Variants in PCLO observed in about 807,000 individuals in gnomAD.
PCLO encodes protein piccolo.
PCLO carries 82 observed loss-of-function variants against 427.5 expected under a neutral mutation model. That is an observed-to-expected ratio of 0.19 (90% CI 0.16 to 0.23). The LOEUF (loss-of-function observed/expected upper bound fraction) is 0.23. PCLO is among the 10% of genes least tolerant of loss of function. The pLI is 1.00. For synonymous variants in PCLO, 2,357 were observed against 2,155.4 expected (o/e 1.09, Z -2.59); for missense variants, 6,239 against 6,115.9 (o/e 1.02, Z -0.67).
intron 3 of PCLO, among the ~76,000 whole-genome samples, chr7:83,003,243 A>G (rs115640905): frequency 0.021 from 3,212 of 151,556 alleles, 120 homozygotes; most frequent in African/African-American, 0.073. Context: ...GCATACGTTT[A>G]TATGTAATAT....
intron 3 of PCLO, among the ~76,000 whole-genome samples, chr7:83,115,315 T>C (rs1791104611): frequency 1.3e-5 from 2 of 152,014 alleles, no homozygotes; most frequent in Non-Finnish European, 2.9e-5. Flanking sequence ...GGCAATATGT[T>C]GAAAAAAATC....
chr7:82,876,314 T>C (rs1265730192), intron 10 of PCLO, among the ~76,000 whole-genome samples: 2 of 152,112 alleles, frequency 1.3e-5, no homozygotes, highest in African/African-American at 4.8e-5. Flanking sequence ...GGCATCATGA[T>C]AATGCCTCAC....
chr7:83,138,442 CCT>C (rs1216747620), intron 2 of PCLO, among the ~76,000 whole-genome samples: 1 of 152,096 alleles, frequency 6.6e-6, no homozygotes, highest in Non-Finnish European at 1.5e-5. Context: ...GGGCAGATCT[CCT>C]GAGGTCAGGA....
At chr7:82,928,156 T>C (rs1794757052) in intron 6 of PCLO, among the ~76,000 whole-genome samples, 1 of 152,160 alleles carries the variant, frequency 6.6e-6, no homozygotes, top group African/African-American at 2.4e-5. Flanking sequence ...TTGAATAATA[T>C]AGACAGGTTT....
At chr7:82,791,005 G>A (rs531193911) in intron 22 of PCLO, among the ~76,000 whole-genome samples, 1 of 152,274 alleles carries the variant, frequency 6.6e-6, no homozygotes, top group East Asian at 1.9e-4. Context: ...TGGTTTCTCT[G>A]AGTTTTTATT....
intron 3 of PCLO, among the ~76,000 whole-genome samples, chr7:83,103,788 C>T (rs1790791477): frequency 6.6e-6 from 1 of 151,926 alleles, no homozygotes; most frequent in African/African-American, 2.4e-5. Flanking sequence ...ATACCTTCCT[C>T]ACCATCATTA....
intron 20 of PCLO, among the ~76,000 whole-genome samples, chr7:82,811,713 C>T (rs1791575825): frequency 6.6e-6 from 1 of 151,442 alleles, no homozygotes; most frequent in South Asian, 2.1e-4. Context: ...CTAAAGCAAA[C>T]TGGACACTAG....
chr7:83,094,029 T>A (rs11531625), intron 3 of PCLO, among the ~76,000 whole-genome samples: 66,362 of 150,786 alleles, frequency 0.44, 14,956 homozygotes, highest in East Asian at 0.7. Flanking sequence ...ACAATGACCC[T>A]CGTGCTGTTT....
At chr7:82,879,311 T>G in intron 10 of PCLO, 26 bp downstream of exon 10, 1 of 1,581,348 alleles carries the variant, frequency 6.3e-7, no homozygotes, top group Non-Finnish European at 8.6e-7. Flanking sequence ...TTCATTTTAT[T>G]TTACTGTAAA....
At chr7:82,906,707 T>A (rs902795739) in intron 8 of PCLO, among the ~76,000 whole-genome samples, 2 of 152,062 alleles carry the variant, frequency 1.3e-5, no homozygotes, top group African/African-American at 4.8e-5. Flanking sequence ...TGTTCCTTTT[T>A]TTGGCCTGTG....
At chr7:82,919,621 G>C (rs1794550005) in intron 6 of PCLO, among the ~76,000 whole-genome samples, 1 of 151,896 alleles carries the variant, frequency 6.6e-6, no homozygotes. Flanking sequence ...GAAACCATTA[G>C]AGGGTCAAAC....
At chr7:83,054,803 G>T (rs1025814745) in intron 3 of PCLO, among the ~76,000 whole-genome samples, 2 of 151,964 alleles carry the variant, frequency 1.3e-5, no homozygotes, top group African/African-American at 4.8e-5. Flanking sequence ...TTCCTCCTTG[G>T]GAATTTAATT....
chr7:83,156,504 A>G, intron 1 of PCLO, 112 bp from the exon 2 acceptor site: 1 of 655,342 alleles, frequency 1.5e-6, no homozygotes, highest in Non-Finnish European at 2.5e-6. Context: ...TGAATGTATA[A>G]ATATAACTAG....
rs1248462895 is a variant in PCLO at position 83,152,072 on chromosome 7, C to T, written c.1893+2676G>A. On this transcript the variant is annotated intron_variant, in intron 2 of 24. Coordinates refer to ENST00000333891, the MANE Select transcript of PCLO (RefSeq NM_033026.6). ...CTCCGCCTCCCCGGTTCAGGCCATTCTCCTGCTTCAGCCTCCCTAGTAGCT... is the reference window on the plus strand; with the variant it reads ...CTCCGCCTCCCCGGTTCAGGCCATTTTCCTGCTTCAGCCTCCCTAGTAGCT... Among the ~76,000 whole-genome samples the T allele has an allele frequency of 9.2e-5, 14 of 151,808 alleles. 1 individual carries two copies. The highest frequency in any genetic ancestry group is 1.5e-5 in the Non-Finnish European group (1 of 67,996).
At chr7:83,025,297 C>T (rs892237019) in intron 3 of PCLO, among the ~76,000 whole-genome samples, 7 of 150,916 alleles carry the variant, frequency 4.6e-5, no homozygotes, top group Admixed American at 2.0e-4. Context: ...TCGAGAACTA[C>T]GTGAAGAATG....
chr7:83,052,484 A>G (rs1789279704), intron 3 of PCLO, among the ~76,000 whole-genome samples: 1 of 152,074 alleles, frequency 6.6e-6, no homozygotes, highest in Admixed American at 6.6e-5. Context: ...TAAAAAGGAA[A>G]CACTGATAGT....
Position 82,978,856 on chromosome 7 carries a change from AAACACAC to A in PCLO, c.3301-12376_3301-12370del, listed in dbSNP as rs1562896077. 3.6e-3 allele frequency among the ~76,000 whole-genome samples: 338 copies of A among 93,530 alleles called. 1 individual carries two copies. The highest frequency in any genetic ancestry group is 0.012 in the African/African-American group (310 of 25,008). The allele number at this position is 93,530 out of a possible 152,430, so 61.4% of individuals were successfully genotyped here. A position where few individuals can be genotyped will look rare whatever the true frequency, so the allele number is the denominator to read the frequency against. ...AAGAAACACACACACACACACACAC[AAACACAC>A]ACACACACACACACACACACACACA... On this transcript the variant is annotated intron_variant, in intron 3 of 24. Coordinates refer to ENST00000333891, the MANE Select transcript of PCLO (RefSeq NM_033026.6).
At chr7:83,078,326 A>G (rs1429378485) in intron 3 of PCLO, among the ~76,000 whole-genome samples, 1 of 152,078 alleles carries the variant, frequency 6.6e-6, no homozygotes, top group Admixed American at 6.5e-5. Flanking sequence ...GCTCTGCACC[A>G]GCTCTTATTT....
intron 19 of PCLO, 52 bp downstream of exon 19, chr7:82,824,184 A>G (rs1562802346): frequency 8.0e-6 from 10 of 1,255,496 alleles, no homozygotes; most frequent in Non-Finnish European, 1.1e-5. Context: ...AAGAAGATAC[A>G]GACTGAACAA....
Sources: allele counts gnomAD v4.1 joint callset (sites outside exome capture counted in the v4.1 genomes callset), GRCh38; gene constraint gnomAD v4.1.1; transcripts MANE v1.5; gene names NCBI Gene and HGNC (gene_info 2026-07-23, HGNC 2026-07-21).